The following POLR3B variants were observed in gnomAD, a reference collection of about 807,000 sequenced individuals.
POLR3B encodes DNA-directed RNA polymerase III subunit RPC2.
A neutral mutation model predicts 147.4 loss-of-function variants in POLR3B; 96 were observed. The ratio of observed to expected loss-of-function variants is 0.65; its 90% CI spans 0.55 to 0.77. POLR3B has a LOEUF of 0.77. Ranked by LOEUF, POLR3B falls within the 30% of genes least tolerant of loss-of-function variation. POLR3B has a pLI of 0.00. For synonymous variants in POLR3B, 461 were observed against 485.9 expected, an observed-to-expected ratio of 0.95 and a Z score of 0.67; for missense variants, 1,036 against 1,413.5, an observed-to-expected ratio of 0.73 and a Z score of 4.28.
intron 23 of POLR3B, among the ~76,000 whole-genome samples, chr12:106,481,440 C>T (rs1444752138): frequency 6.6e-6 from 1 of 152,224 alleles, no homozygotes; most frequent in Non-Finnish European, 1.5e-5. Context: ...TCGCTCCTCA[C>T]GCTGCCTTTT....
intron 1 of POLR3B, among the ~76,000 whole-genome samples, chr12:106,358,972 GT>G (rs1346820168): frequency 6.6e-6 from 1 of 152,170 alleles, no homozygotes; most frequent in Non-Finnish European, 1.5e-5. Context: ...AATACCAGTA[GT>G]TTGGGAGGCC....
chr12:106,378,379 T>A lies in POLR3B; in HGVS notation c.609T>A (p.Val203=). 1.3e-5 allele frequency: 21 copies of A among 1,596,834 alleles called. No homozygotes were observed. The highest frequency in any genetic ancestry group is 1.8e-5 in the Non-Finnish European group (21 of 1,164,228). ...ADRKGAVGAS[V]TSSTHEKKSR... is the part of the protein sequence containing the mutation. ...GAAAAGGGGCTGTTGGAGCTTCAGT[T>A]ACCAGGTATGGAAAGCAGAGATGGT... Residue 203 remains valine (V), a synonymous_variant, in exon 8 of 28, where the codon GTT becomes GTA. Coordinates refer to ENST00000228347, the MANE Select transcript of POLR3B (RefSeq NM_018082.6).
chr12:106,419,688 C>T (rs187922172), intron 12 of POLR3B, among the ~76,000 whole-genome samples: 1 of 148,646 alleles, frequency 6.7e-6, no homozygotes, highest in Admixed American at 6.8e-5. Flanking sequence ...AGGGAAAAAA[C>T]TAATAGAATT....
intron 7 of POLR3B, among the ~76,000 whole-genome samples, 167 bp from the exon 8 acceptor site, chr12:106,378,100 A>C (rs558941493): frequency 6.6e-6 from 1 of 152,308 alleles, no homozygotes; most frequent in East Asian, 1.9e-4. Flanking sequence ...AAAATAAAAT[A>C]AAATAAAATA....
Position 106,427,328 on chromosome 12 carries a change from C to T in POLR3B, c.1233C>T (p.Ile411=), listed in dbSNP as rs775154232. 6.8e-6 allele frequency: 11 copies of T among 1,613,760 alleles called. No homozygotes were observed. The South Asian group carries it at 1.1e-4, about 16-fold the overall frequency. ...DVVKHMRQDQ[I]TNGMVNAIST... Reference sequence around the variant, plus strand: ...TCAAACACATGCGCCAAGACCAGATCACCAATGGCATGGTGAATGCTATTT... The same window carrying T: ...TCAAACACATGCGCCAAGACCAGATTACCAATGGCATGGTGAATGCTATTT... The change falls in exon 13 of 28, where the codon ATC becomes ATT. Residue 411 remains isoleucine, a synonymous_variant. Transcript: ENST00000228347.
intron 25 of POLR3B, 112 bp from the exon 26 acceptor site, chr12:106,501,211 C>T (rs2038595074): frequency 2.7e-6 from 2 of 750,254 alleles, no homozygotes; most frequent in Non-Finnish European, 2.5e-6. Flanking sequence ...GAAAATCATT[C>T]TTATCCAGTC....
chr12:106,423,616 G>C (rs923358131), intron 12 of POLR3B, among the ~76,000 whole-genome samples: 4 of 152,136 alleles, frequency 2.6e-5, no homozygotes, highest in Non-Finnish European at 5.9e-5. Flanking sequence ...CTCCAGAAGA[G>C]AGAATAAATT....
At chr12:106,471,044 C>T (rs745411442) in intron 23 of POLR3B, among the ~76,000 whole-genome samples, 3 of 152,136 alleles carry the variant, frequency 2.0e-5, no homozygotes, top group African/African-American at 7.2e-5. Flanking sequence ...CTGCCTTGCC[C>T]CCAGAGGTAG....
chr12:106,502,286 G>A (rs2038614317), intron 26 of POLR3B, among the ~76,000 whole-genome samples: 1 of 152,098 alleles, frequency 6.6e-6, no homozygotes, highest in Non-Finnish European at 1.5e-5. Context: ...CCCTGGGCTA[G>A]GGGAGGGAAC....
At chr12:106,459,678 G>T (rs1056092237) in intron 22 of POLR3B, among the ~76,000 whole-genome samples, 1 of 152,160 alleles carries the variant, frequency 6.6e-6, no homozygotes, top group African/African-American at 2.4e-5. Context: ...GGGCTAGGTT[G>T]TGAAAGAGTT....
chr12:106,444,589 G>A lies in POLR3B; in HGVS notation c.2082G>A (p.Met694Ile). The stretch of plus-strand genomic sequence containing the variant: ...AGTGTGCCATGGGGAAACAAGCCAT[G>A]GGTAAGATTTCCTTCTTGAAAGTTG... ...TYQCAMGKQA[M>I]GTIGYNQRNR... Residue 694 changes from methionine (M) to isoleucine (I), a missense_variant and splice_region_variant, in exon 19 of 28, where the codon ATG (methionine) becomes ATA (isoleucine). This residue lies in a region of POLR3B where 202 missense variants were observed against 272.8 expected (regional missense o/e 0.74). Coordinates refer to ENST00000228347, the MANE Select transcript of POLR3B (RefSeq NM_018082.6). The A allele has an allele frequency of 6.2e-7, 1 of 1,613,508 alleles. No individual in the cohort carries two copies. The highest frequency in any genetic ancestry group is 8.5e-7 in the Non-Finnish European group (1 of 1,179,824).
chr12:106,432,948 G>A lies in POLR3B; in HGVS notation c.1627+468G>A, dbSNP rs983472026. 2.0e-5 allele frequency among the ~76,000 whole-genome samples: 3 copies of A among 152,014 alleles called. No individual in the cohort carries two copies. In the East Asian group the frequency reaches 5.8e-4, roughly 29 times the overall value. On this transcript the variant is annotated intron_variant, in intron 15 of 27. Transcript: ENST00000228347. ...TTATTTCTTTCATATACCTCTTCCC[G>A]TCTCCTTCGAAGTCTTCCAGAGACT... is the stretch of plus-strand genomic sequence containing the variant.
At chr12:106,459,622 A>G (rs1346205317) in intron 22 of POLR3B, among the ~76,000 whole-genome samples, 1 of 152,190 alleles carries the variant, frequency 6.6e-6, no homozygotes, top group Non-Finnish European at 1.5e-5. Flanking sequence ...TGAAGGGCAC[A>G]TGGCATAAAA....
At position 106,378,376 on chromosome 12, in the gene POLR3B, A is replaced by G; in HGVS notation, c.606A>G (p.Ser202=). 6.2e-7 allele frequency: 1 copy of G among 1,600,518 alleles called. No individual in the cohort carries two copies. ...EADRKGAVGA[S]VTSSTHEKKS... ...ATAGAAAAGGGGCTGTTGGAGCTTCAGTTACCAGGTATGGAAAGCAGAGAT... is the reference window on the plus strand; with the variant it reads ...ATAGAAAAGGGGCTGTTGGAGCTTCGGTTACCAGGTATGGAAAGCAGAGAT... Residue 202 remains serine, a synonymous_variant, in exon 8 of 28, where the codon TCA becomes TCG. Transcript: ENST00000228347.
At position 106,443,834 on chromosome 12, in the gene POLR3B, C is replaced by CT. The variant is rs201018510; in HGVS notation, c.1956-620dup. Among the ~76,000 whole-genome samples the CT allele has an allele frequency of 8.1e-3, 1,086 of 134,826 alleles. 13 individuals carry two copies. Among genetic ancestry groups the CT allele is most frequent in the African/African-American group, 0.029 (1,036 of 35,814 alleles). 88.5% of individuals were successfully genotyped at this position (134,826 alleles called of 152,430 possible). A position where few individuals can be genotyped will look rare whatever the true frequency, so the allele number is the denominator to read the frequency against. On this transcript the variant is annotated intron_variant, in intron 18 of 27. Transcript: ENST00000228347. ...CTGCATCCGGCCTATAGTACCTATT[C>CT]TTTTTTTTTGAGACGGAGTCTCGCT...
chr12:106,448,454 T>G (rs922143830), intron 19 of POLR3B, among the ~76,000 whole-genome samples: 6 of 140,676 alleles, frequency 4.3e-5, no homozygotes, highest in Admixed American at 7.1e-5. Context: ...TTTTTTTTTT[T>G]TTGAGATGGA....
At chr12:106,488,328 A>C (rs2038368271) in intron 23 of POLR3B, among the ~76,000 whole-genome samples, 1 of 152,256 alleles carries the variant, frequency 6.6e-6, no homozygotes, top group African/African-American at 2.4e-5. Context: ...AGAGCCGTTC[A>C]TCCTTTAGTA....
chr12:106,438,047 A>G (rs2037601107), intron 18 of POLR3B, among the ~76,000 whole-genome samples: 1 of 151,230 alleles, frequency 6.6e-6, no homozygotes, highest in South Asian at 2.1e-4. Context: ...TCCTCCCCCA[A>G]CCCCCTAACA....
At chr12:106,382,243 T>C (rs1176924656) in intron 9 of POLR3B, among the ~76,000 whole-genome samples, 2 of 152,136 alleles carry the variant, frequency 1.3e-5, no homozygotes, top group African/African-American at 2.4e-5. Context: ...TGACATATTT[T>C]CCCCCTTCCC....
Sources: allele counts gnomAD v4.1 joint callset (sites outside exome capture counted in the v4.1 genomes callset), GRCh38; gene constraint gnomAD v4.1.1; regional missense constraint gnomAD v4.1.1; transcripts MANE v1.5; gene names NCBI Gene and HGNC (gene_info 2026-07-23, HGNC 2026-07-21).